The following MAGI1 variants were observed in gnomAD, a reference collection of about 807,000 sequenced individuals.
MAGI1 encodes membrane-associated guanylate kinase, WW and PDZ domain-containing protein 1.
A neutral mutation model predicts 139.9 loss-of-function variants in MAGI1; 58 were observed. The observed-to-expected ratio is 0.41, with a 90% confidence interval of 0.34 to 0.52. MAGI1 has a LOEUF of 0.52. Ranked by LOEUF, MAGI1 falls within the 20% of genes least tolerant of loss-of-function variation. The pLI, the probability that MAGI1 is intolerant of heterozygous loss-of-function variation, is 0.12. For synonymous variants in MAGI1, 812 were observed against 737.9 expected, an observed-to-expected ratio of 1.10 and a Z score of -1.63; for missense variants, 1,874 against 1,901.6, an observed-to-expected ratio of 0.99 and a Z score of 0.27.
chr3:65,824,748 C>A (rs1203521625), intron 1 of MAGI1, among the ~76,000 whole-genome samples: 1 of 152,152 alleles, frequency 6.6e-6, no homozygotes, highest in African/African-American at 2.4e-5. Flanking sequence ...CCCAGAAAGG[C>A]CATGTTACTA....
chr3:65,599,567 CTGGTG>C (rs2082385420), intron 2 of MAGI1, among the ~76,000 whole-genome samples: 1 of 152,150 alleles, frequency 6.6e-6, no homozygotes, highest in African/African-American at 2.4e-5. Context: ...CCTGTTTCCC[CTGGTG>C]TACAAAATGG....
chr3:65,726,896 T>C (rs1308191321), intron 1 of MAGI1, among the ~76,000 whole-genome samples: 1 of 147,498 alleles, frequency 6.8e-6, no homozygotes, highest in Non-Finnish European at 1.5e-5. Flanking sequence ...TAAAGGGAGA[T>C]GGATAAACAG....
At chr3:65,475,246 C>A (rs1950822766) in intron 4 of MAGI1, among the ~76,000 whole-genome samples, 1 of 152,068 alleles carries the variant, frequency 6.6e-6, no homozygotes, top group Non-Finnish European at 1.5e-5. Context: ...TGGAGTTTCA[C>A]TCTGTCACCC....
At chr3:65,766,752 G>C (rs965290315) in intron 1 of MAGI1, among the ~76,000 whole-genome samples, 3 of 152,008 alleles carry the variant, frequency 2.0e-5, no homozygotes, top group Non-Finnish European at 4.4e-5. Flanking sequence ...AGCCAGGTGT[G>C]ATGGCAGGCA....
At position 65,356,907 on chromosome 3, in the gene MAGI1, C is replaced by T. The variant is rs1940232709; in HGVS notation, c.3860G>A (p.Arg1287Lys). The change falls in exon 23 of 23, where the codon AGG becomes AAG. Residue 1287 changes from arginine to lysine, a missense_variant. Physicochemically the swap from Arg to Lys is conservative, Grantham distance 26. Coordinates refer to ENST00000402939, the MANE Select transcript of MAGI1 (RefSeq NM_001033057.2). Reference sequence around the variant, plus strand: ...TCGGCATGCCCCGCTGTCGGGTTTCCTCGAAGTCCCATTCCAGGTGTGGTG... The same window carrying T: ...TCGGCATGCCCCGCTGTCGGGTTTCTTCGAAGTCCCATTCCAGGTGTGGTG... ...NEHHTWNGTS[R>K]KPDSGACRPK... 1.2e-6 allele frequency: 2 copies of T among 1,614,056 alleles called. No individual in the cohort carries two copies. Among genetic ancestry groups the T allele is most frequent in the East Asian group, 2.2e-5 (1 of 44,870 alleles).
intron 1 of MAGI1, among the ~76,000 whole-genome samples, chr3:65,841,796 C>T (rs2058816213): frequency 6.6e-6 from 1 of 152,136 alleles, no homozygotes; most frequent in African/African-American, 2.4e-5. Context: ...TGAACCAACA[C>T]AGGGTTCACA....
chr3:65,540,113 G>A (rs974563824), intron 2 of MAGI1, among the ~76,000 whole-genome samples: 6 of 152,208 alleles, frequency 3.9e-5, no homozygotes, highest in Non-Finnish European at 8.8e-5. Context: ...CAAAGGGAAA[G>A]TCACAAACCA....
At chr3:65,958,278 G>A (rs1576259344) in intron 1 of MAGI1, among the ~76,000 whole-genome samples, 1 of 152,152 alleles carries the variant, frequency 6.6e-6, no homozygotes, top group East Asian at 1.9e-4. Flanking sequence ...TCTAAATTTA[G>A]CTCAATATTC....
intron 1 of MAGI1, among the ~76,000 whole-genome samples, chr3:65,724,757 C>T (rs981426516): frequency 1.1e-4 from 17 of 152,120 alleles, no homozygotes; most frequent in Non-Finnish European, 1.5e-4. Context: ...GGGAAGCAAA[C>T]ATGTCCTTCT....
rs372780090 is a variant in MAGI1, at chr3:65,759,920, T to C, written c.314-137832A>G. 6.4e-4 allele frequency among the ~76,000 whole-genome samples: 97 copies of C among 152,328 alleles called. No individual in the cohort carries two copies. In the Middle Eastern group the frequency reaches 0.017, roughly 27 times the overall value. On this transcript the variant is annotated intron_variant, in intron 1 of 22. Coordinates refer to ENST00000402939, the MANE Select transcript of MAGI1 (RefSeq NM_001033057.2). ...TTAGCCTGGATTCAAATTTTGGCTC[T>C]AGTGTGTAACTAGCCCTGACTATTA...
chr3:65,855,373 G>C (rs1484149566), intron 1 of MAGI1, among the ~76,000 whole-genome samples: 2 of 151,562 alleles, frequency 1.3e-5, no homozygotes, highest in African/African-American at 4.9e-5. Flanking sequence ...GAGGCCAGGA[G>C]TCTGAGACCA....
chr3:65,486,845 C>A (rs1261758729), intron 3 of MAGI1, among the ~76,000 whole-genome samples: 2 of 152,148 alleles, frequency 1.3e-5, no homozygotes, highest in African/African-American at 4.8e-5. Context: ...CCCTGCCCGG[C>A]AAACCTACCC....
intron 2 of MAGI1, among the ~76,000 whole-genome samples, chr3:65,618,261 C>G (rs540801230): frequency 6.6e-6 from 1 of 152,118 alleles, no homozygotes; most frequent in East Asian, 1.9e-4. Context: ...GAAATATTAG[C>G]CAGATGGTTC....
intron 1 of MAGI1, among the ~76,000 whole-genome samples, chr3:65,822,185 AG>A (rs1466946414): frequency 1.3e-5 from 2 of 152,196 alleles, no homozygotes; most frequent in Non-Finnish European, 2.9e-5. Context: ...GTCAGGAAGG[AG>A]GGGAGAAATG....
chr3:65,861,570 TATAA>T (rs1224350579), intron 1 of MAGI1, among the ~76,000 whole-genome samples: 17 of 152,252 alleles, frequency 1.1e-4, no homozygotes, highest in African/African-American at 3.6e-4. Context: ...AAGAGATTAT[TATAA>T]ATAAAGATGG....
At chr3:65,598,857 T>C (rs961269269) in intron 2 of MAGI1, among the ~76,000 whole-genome samples, 1 of 152,208 alleles carries the variant, frequency 6.6e-6, no homozygotes, top group African/African-American at 2.4e-5. Flanking sequence ...TTCATCCACC[T>C]TAGTGAGAAA....
chr3:65,943,534 C>CAT (rs2063411573), intron 1 of MAGI1, among the ~76,000 whole-genome samples: 1 of 151,550 alleles, frequency 6.6e-6, no homozygotes, highest in South Asian at 2.1e-4. Flanking sequence ...AAGATCATCA[C>CAT]TGCACTCCAG....
intron 12 of MAGI1, among the ~76,000 whole-genome samples, chr3:65,403,684 GGTAA>G (rs1157563292): frequency 6.6e-6 from 1 of 152,126 alleles, no homozygotes; most frequent in African/African-American, 2.4e-5. Flanking sequence ...TCCCCCATTA[GGTAA>G]GTAGAGTCAG....
At chr3:65,734,747 G>T (rs1282160346) in intron 1 of MAGI1, among the ~76,000 whole-genome samples, 1 of 151,856 alleles carries the variant, frequency 6.6e-6, no homozygotes, top group East Asian at 1.9e-4. Flanking sequence ...AACAATAAGC[G>T]AGTCCTCTTG....
Sources: gnomAD v4.1 joint callset for allele counts (sites outside exome capture counted in the v4.1 genomes callset) on GRCh38, gnomAD v4.1.1 for gene constraint, MANE v1.5 for transcripts, NCBI Gene and HGNC (gene_info 2026-07-23, HGNC 2026-07-21) for gene names.